PLD5: variants seen among roughly 807,000 people sequenced by gnomAD.
The protein encoded by PLD5 is inactive phospholipase D5.
A neutral mutation model predicts 61.1 loss-of-function variants in PLD5; 36 were observed. The ratio of observed to expected loss-of-function variants is 0.59; its 90% CI spans 0.45 to 0.78. The LOEUF (loss-of-function observed/expected upper bound fraction) is 0.78. PLD5 is among the 30% of genes least tolerant of loss of function. PLD5 has a pLI of 0.00. For synonymous variants in PLD5, 243 were observed against 242.8 expected, an observed-to-expected ratio of 1.00 and a Z score of -0.01; for missense variants, 515 against 644.4, an observed-to-expected ratio of 0.80 and a Z score of 2.17.
Position 242,089,759 on chromosome 1 carries a change from T to C in PLD5, c.*95A>G. Reference sequence around the variant, plus strand: ...ATTTTTTATAAGTGTGCTTTTTCCCTAAAAAAAGAGACATATTAAAGTGTT... The same window carrying C: ...ATTTTTTATAAGTGTGCTTTTTCCCCAAAAAAAGAGACATATTAAAGTGTT... On this transcript the variant is annotated 3_prime_UTR_variant, in exon 10 of 10. Coordinates refer to ENST00000536534, the MANE Select transcript of PLD5 (RefSeq NM_001372062.1). The C allele has an allele frequency of 2.7e-6, 4 of 1,488,802 alleles. No individual in the cohort carries two copies. The highest frequency in any genetic ancestry group is 3.7e-6 in the Non-Finnish European group (4 of 1,089,134). 92.2% of individuals were successfully genotyped at this position (1,488,802 alleles called of 1,614,324 possible).
At chr1:242,132,908 GGAAGGGA>G (rs1663402539) in intron 5 of PLD5, among the ~76,000 whole-genome samples, 1 of 152,026 alleles carries the variant, frequency 6.6e-6, no homozygotes, top group Non-Finnish European at 1.5e-5. Context: ...AGGGTCTGGA[GGAAGGGA>G]ACCTAAGACT....
intron 1 of PLD5, among the ~76,000 whole-genome samples, chr1:242,443,762 A>C (rs535506269): frequency 1.3e-5 from 2 of 152,266 alleles, no homozygotes; most frequent in African/African-American, 4.8e-5. Context: ...AACATGAACC[A>C]CACCACTTCT....
intron 4 of PLD5, among the ~76,000 whole-genome samples, chr1:242,234,047 A>G (rs950387960): frequency 1.3e-5 from 2 of 152,216 alleles, no homozygotes. Context: ...CAGGACTAAC[A>G]TGACTTAAAC....
At chr1:242,219,700 A>G (rs1011970044) in intron 5 of PLD5, among the ~76,000 whole-genome samples, 1 of 152,152 alleles carries the variant, frequency 6.6e-6, no homozygotes, top group African/African-American at 2.4e-5. Context: ...CTGAAAATAT[A>G]GGTCTGGGTG....
At chr1:242,464,963 A>G (rs1477937512) in intron 1 of PLD5, among the ~76,000 whole-genome samples, 1 of 152,252 alleles carries the variant, frequency 6.6e-6, no homozygotes, top group Non-Finnish European at 1.5e-5. Context: ...CTACAGAAGT[A>G]GAAATTATCT....
At chr1:242,448,685 T>G (rs1666651577) in intron 1 of PLD5, among the ~76,000 whole-genome samples, 1 of 152,208 alleles carries the variant, frequency 6.6e-6, no homozygotes. Context: ...CAGTGAATTC[T>G]AAAACCTCAT....
At chr1:242,423,732 A>G (rs183438290) in intron 1 of PLD5, among the ~76,000 whole-genome samples, 8 of 152,300 alleles carry the variant, frequency 5.3e-5, no homozygotes, top group African/African-American at 9.6e-5. Flanking sequence ...CAGAATTGAC[A>G]TTCCCATTAT....
intron 7 of PLD5, among the ~76,000 whole-genome samples, chr1:242,110,178 C>T (rs1661376207): frequency 6.6e-6 from 1 of 151,528 alleles, no homozygotes; most frequent in South Asian, 2.1e-4. Context: ...AATAGTGTAT[C>T]ATTAGTTCCA....
At chr1:242,240,732 C>G (rs437307) in intron 4 of PLD5, among the ~76,000 whole-genome samples, 7,840 of 152,146 alleles carry the variant, frequency 0.052, 674 homozygotes, top group African/African-American at 0.18. Flanking sequence ...GCAGGACGTA[C>G]AGAGCTGGTT....
intron 4 of PLD5, among the ~76,000 whole-genome samples, chr1:242,231,339 C>T (rs1237440173): frequency 6.6e-6 from 1 of 152,146 alleles, no homozygotes; most frequent in African/African-American, 2.4e-5. Context: ...CCAGTGCTCA[C>T]GGAGAGAAGG....
intron 9 of PLD5, among the ~76,000 whole-genome samples, chr1:242,097,803 A>T (rs141954514): frequency 6.6e-6 from 1 of 152,084 alleles, no homozygotes; most frequent in African/African-American, 2.4e-5. Flanking sequence ...TTGGTGTTTT[A>T]GACATGAAGT....
At chr1:242,488,421 T>C (rs1668033069) in intron 1 of PLD5, among the ~76,000 whole-genome samples, 1 of 152,160 alleles carries the variant, frequency 6.6e-6, no homozygotes, top group African/African-American at 2.4e-5. Context: ...TATGGAGACA[T>C]GAGGTATCAT....
intron 1 of PLD5, among the ~76,000 whole-genome samples, chr1:242,466,099 C>T (rs1390285464): frequency 6.6e-6 from 1 of 152,194 alleles, no homozygotes; most frequent in Non-Finnish European, 1.5e-5. Flanking sequence ...ATACTGCCCA[C>T]CTCCCACATA....
intron 1 of PLD5, chr1:242,377,515 T>C (rs971574614): frequency 3.2e-6 from 2 of 617,360 alleles, no homozygotes; most frequent in Admixed American, 2.9e-5. Context: ...GCCTCTGAGG[T>C]TGGACGCCAT....
intron 1 of PLD5, among the ~76,000 whole-genome samples, chr1:242,493,965 A>T (rs1292173831): frequency 6.6e-6 from 1 of 152,232 alleles, no homozygotes; most frequent in Non-Finnish European, 1.5e-5. Flanking sequence ...CGCTCTTGAG[A>T]GTGAGCTCAG....
At chr1:242,262,355 A>G (rs1434686235) in intron 4 of PLD5, among the ~76,000 whole-genome samples, 1 of 152,224 alleles carries the variant, frequency 6.6e-6, no homozygotes, top group African/African-American at 2.4e-5. Flanking sequence ...GCAACGTTCT[A>G]CATCTTGACC....
intron 5 of PLD5, among the ~76,000 whole-genome samples, chr1:242,163,829 G>C (rs1666089238): frequency 6.6e-6 from 1 of 152,122 alleles, no homozygotes; most frequent in African/African-American, 2.4e-5. Context: ...GGAGAGACGG[G>C]TAACAAGGGT....
intron 1 of PLD5, among the ~76,000 whole-genome samples, chr1:242,371,798 GA>G: frequency 6.6e-6 from 1 of 152,172 alleles, no homozygotes; most frequent in South Asian, 2.1e-4. Flanking sequence ...TTATAATATA[GA>G]GTGACCTCAG....
intron 3 of PLD5, among the ~76,000 whole-genome samples, chr1:242,283,830 T>C (rs570329835): frequency 3.9e-5 from 6 of 152,246 alleles, no homozygotes; most frequent in African/African-American, 1.4e-4. Context: ...TTGGATAGTC[T>C]TGAATTTCCT....
Sources: gnomAD v4.1 joint callset for allele counts (sites outside exome capture counted in the v4.1 genomes callset) on GRCh38, gnomAD v4.1.1 for gene constraint, MANE v1.5 for transcripts, NCBI Gene and HGNC (gene_info 2026-07-23, HGNC 2026-07-21) for gene names.